RGS6: variants seen among roughly 807,000 people sequenced by gnomAD.
RGS6 encodes regulator of G protein signaling 6.
Under a neutral mutation model 78.5 loss-of-function variants are expected in RGS6, and 30 were observed. That is an observed-to-expected ratio of 0.38 (90% CI 0.29 to 0.52). The LOEUF (loss-of-function observed/expected upper bound fraction) is 0.52, where lower values mean the gene tolerates loss of function less well. Ranked by LOEUF, RGS6 falls within the 20% of genes least tolerant of loss-of-function variation. The pLI, the probability that RGS6 is intolerant of heterozygous loss-of-function variation, is 0.85. For missense variants in RGS6, 495 were observed against 609.7 expected (o/e 0.81, Z 1.98); for synonymous variants, 206 against 206.0 (o/e 1.00, Z 0.00).
intron 3 of RGS6, among the ~76,000 whole-genome samples, chr14:72,368,252 C>T (rs1309876793): frequency 1.3e-5 from 2 of 151,970 alleles, no homozygotes; most frequent in Non-Finnish European, 2.9e-5. Flanking sequence ...TATTGGGAAC[C>T]CACTCCTTGG....
At chr14:72,376,306 A>T (rs2084703074) in intron 3 of RGS6, among the ~76,000 whole-genome samples, 1 of 152,200 alleles carries the variant, frequency 6.6e-6, no homozygotes, top group Admixed American at 6.5e-5. Context: ...CAGGCAAACA[A>T]ATAGATGAAA....
intron 2 of RGS6, among the ~76,000 whole-genome samples, chr14:72,017,717 T>C (rs1470787244): frequency 6.6e-6 from 1 of 152,124 alleles, no homozygotes; most frequent in Non-Finnish European, 1.5e-5. Flanking sequence ...CAAGAATAAG[T>C]GCTGCTTCTG....
At chr14:72,183,155 A>T (rs1181789728) in intron 2 of RGS6, among the ~76,000 whole-genome samples, 1 of 152,208 alleles carries the variant, frequency 6.6e-6, no homozygotes, top group Non-Finnish European at 1.5e-5. Flanking sequence ...AGGTAGGCTT[A>T]CTTTATGTCA....
chr14:71,987,269 CTGTT>C (rs993417608), intron 2 of RGS6, among the ~76,000 whole-genome samples: 5 of 152,054 alleles, frequency 3.3e-5, no homozygotes, highest in African/African-American at 9.7e-5. Context: ...TCTGGGATGT[CTGTT>C]TGTATTGGCT....
chr14:72,165,034 C>A (rs556509764), intron 2 of RGS6, among the ~76,000 whole-genome samples: 1 of 152,298 alleles, frequency 6.6e-6, no homozygotes, highest in Non-Finnish European at 1.5e-5. Flanking sequence ...AAAGGTCCTC[C>A]TCTTCTGTCT....
At chr14:72,476,236 A>G (rs2096241652) in intron 10 of RGS6, among the ~76,000 whole-genome samples, 1 of 152,244 alleles carries the variant, frequency 6.6e-6, no homozygotes, top group African/African-American at 2.4e-5. Context: ...CTGCCATCCC[A>G]GTTTTGTACC....
At chr14:72,256,048 C>T (rs2057009822) in intron 2 of RGS6, among the ~76,000 whole-genome samples, 1 of 152,162 alleles carries the variant, frequency 6.6e-6, no homozygotes, top group Non-Finnish European at 1.5e-5. Context: ...TTGCCTGCTG[C>T]ACAGACAGAG....
chr14:71,889,748 C>T, the RGS6 span, among the ~76,000 whole-genome samples: 48 of 152,182 alleles, frequency 3.2e-4, no homozygotes, highest in African/African-American at 1.1e-3. Flanking sequence ...TATTATAATC[C>T]TCAGTGTTGG....
At chr14:71,887,314 C>T in the RGS6 span, among the ~76,000 whole-genome samples, 106 of 152,150 alleles carry the variant, frequency 7.0e-4, 1 homozygote, top group African/African-American at 2.5e-3. Context: ...ATGAAGTCAG[C>T]GCACCTTGTA....
intron 3 of RGS6, among the ~76,000 whole-genome samples, chr14:72,444,486 G>A (rs193055450): frequency 2.6e-5 from 4 of 152,250 alleles, no homozygotes; most frequent in Non-Finnish European, 4.4e-5. Flanking sequence ...AGTCCTGGAC[G>A]TTTCAGGAAT....
intron 17 of RGS6, among the ~76,000 whole-genome samples, chr14:72,548,334 TGTGTGTGTGCGCGC>T (rs1042459628): frequency 3.8e-5 from 5 of 133,252 alleles, no homozygotes; most frequent in East Asian, 2.5e-4. Flanking sequence ...TATTTGTGTG[TGTGTGTGTGCGCGC>T]GTGTGTGTGT....
At chr14:72,413,469 C>T (rs1175969238) in intron 3 of RGS6, among the ~76,000 whole-genome samples, 2 of 152,230 alleles carry the variant, frequency 1.3e-5, no homozygotes, top group Admixed American at 1.3e-4. Context: ...TGTCTCTGCA[C>T]GTGAGATGGG....
At chr14:72,124,789 C>T (rs1366529577) in intron 2 of RGS6, among the ~76,000 whole-genome samples, 2 of 152,130 alleles carry the variant, frequency 1.3e-5, no homozygotes, top group African/African-American at 4.8e-5. Flanking sequence ...ATAAAAGTAT[C>T]TGGAACAGTT....
the RGS6 span, among the ~76,000 whole-genome samples, chr14:72,577,747 GGA>G: frequency 1.3e-5 from 2 of 152,168 alleles, no homozygotes; most frequent in Non-Finnish European, 2.9e-5. Context: ...AGCCCTCACA[GGA>G]GAAAGCCACT....
the RGS6 span, among the ~76,000 whole-genome samples, chr14:71,904,536 A>G: frequency 6.6e-6 from 1 of 152,254 alleles, no homozygotes. Flanking sequence ...AACACTTAAG[A>G]AGCAAAGATA....
intron 17 of RGS6, among the ~76,000 whole-genome samples, chr14:72,545,147 C>A (rs546478389): frequency 1.3e-5 from 2 of 152,386 alleles, no homozygotes; most frequent in South Asian, 4.1e-4. Context: ...GGCTAAAAAT[C>A]TTTCCAAAGG....
chr14:72,343,721 T>G (rs1462004409), intron 2 of RGS6, among the ~76,000 whole-genome samples: 1 of 152,208 alleles, frequency 6.6e-6, no homozygotes, highest in African/African-American at 2.4e-5. Flanking sequence ...TGGTGATCCA[T>G]GGAGCCAGCT....
At chr14:71,987,036 C>T (rs1271058100) in intron 2 of RGS6, among the ~76,000 whole-genome samples, 2 of 152,198 alleles carry the variant, frequency 1.3e-5, no homozygotes, top group African/African-American at 2.4e-5. Flanking sequence ...GTCCCACCTG[C>T]AGAGTCTCTT....
At chr14:72,080,148 A>G (rs1258862039) in intron 2 of RGS6, among the ~76,000 whole-genome samples, 1 of 152,174 alleles carries the variant, frequency 6.6e-6, no homozygotes, top group African/African-American at 2.4e-5. Context: ...GTGCATTTAC[A>G]TGAGCAGTGT....
Sources: gnomAD v4.1 joint callset for allele counts (sites outside exome capture counted in the v4.1 genomes callset) on GRCh38, gnomAD v4.1.1 for gene constraint, MANE v1.5 for transcripts, NCBI Gene and HGNC (gene_info 2026-07-23, HGNC 2026-07-21) for gene names.